Variants in GAREM1 observed in about 807,000 individuals in gnomAD.
GAREM1 encodes the protein GRB2-associated and regulator of MAPK protein 1.
GAREM1 carries 26 observed loss-of-function variants against 71.3 expected under a neutral mutation model. The ratio of observed to expected loss-of-function variants is 0.36; its 90% CI spans 0.27 to 0.51. The LOEUF is 0.51. Ranked by LOEUF, GAREM1 falls within the 20% of genes least tolerant of loss-of-function variation. The pLI is 0.95. For missense variants in GAREM1, 1,026 were observed against 1,103.1 expected, an observed-to-expected ratio of 0.93 and a Z score of 0.99; for synonymous variants, 440 against 433.2, an observed-to-expected ratio of 1.02 and a Z score of -0.20.
chr18:32,449,180 T>C (rs987805314), intron 1 of GAREM1, among the ~76,000 whole-genome samples: 1 of 152,150 alleles, frequency 6.6e-6, no homozygotes, highest in South Asian at 2.1e-4. Flanking sequence ...TGAGATAATG[T>C]ATGTAAAGTG....
At chr18:32,344,791 G>A (rs2047678482) in intron 2 of GAREM1, among the ~76,000 whole-genome samples, 1 of 152,222 alleles carries the variant, frequency 6.6e-6, no homozygotes, top group African/African-American at 2.4e-5. Flanking sequence ...GCCGGGCACG[G>A]TGGCTCACGC....
At chr18:32,447,846 G>A (rs2048799151) in intron 1 of GAREM1, among the ~76,000 whole-genome samples, 1 of 152,128 alleles carries the variant, frequency 6.6e-6, no homozygotes, top group South Asian at 2.1e-4. Context: ...ATGTGCCATG[G>A]ATGAACCAAG....
At chr18:32,403,518 C>T (rs918782776) in intron 1 of GAREM1, among the ~76,000 whole-genome samples, 1 of 152,186 alleles carries the variant, frequency 6.6e-6, no homozygotes, top group Non-Finnish European at 1.5e-5. Flanking sequence ...CCCTTATTTA[C>T]CCAGTTCCTC....
At chr18:32,417,343 T>C (rs537227856) in intron 1 of GAREM1, among the ~76,000 whole-genome samples, 7 of 152,196 alleles carry the variant, frequency 4.6e-5, no homozygotes, top group Admixed American at 6.5e-5. Flanking sequence ...AGAGCTAACA[T>C]ATGATCCAGC....
intron 2 of GAREM1, among the ~76,000 whole-genome samples, chr18:32,367,646 T>C (rs1378733903): frequency 6.6e-6 from 1 of 152,204 alleles, no homozygotes; most frequent in Non-Finnish European, 1.5e-5. Context: ...TTTTATTGAT[T>C]GGGCATTTCC....
intron 1 of GAREM1, among the ~76,000 whole-genome samples, chr18:32,418,871 C>T (rs74501521): frequency 1.4e-4 from 21 of 152,248 alleles, no homozygotes; most frequent in Middle Eastern, 3.4e-3. Context: ...AGAAGGATAA[C>T]GTGTTAGTTT....
In GAREM1 at chr18:32,469,710, A is replaced by G. The variant is rs2049031242; in HGVS notation, c.121+598T>C. 1.3e-5 allele frequency among the ~76,000 whole-genome samples: 2 copies of G among 152,122 alleles called. 1 individual carries two copies. Among genetic ancestry groups the G allele is most frequent in the South Asian group, 4.1e-4 (2 of 4,826 alleles). Reference sequence around the variant, plus strand: ...TCCAGACTGGAAATGCGCTAAACCTAATAGTTAACCTTAAGCATGCCATCA... The same window carrying G: ...TCCAGACTGGAAATGCGCTAAACCTGATAGTTAACCTTAAGCATGCCATCA... On this transcript the variant is annotated intron_variant, in intron 1 of 5. Coordinates refer to ENST00000269209, the MANE Select transcript of GAREM1 (RefSeq NM_001242409.2).
chr18:32,354,359 G>A (rs2047784575), intron 2 of GAREM1, among the ~76,000 whole-genome samples: 1 of 152,112 alleles, frequency 6.6e-6, no homozygotes, highest in Admixed American at 6.6e-5. Flanking sequence ...AAGAGTGTCT[G>A]GCACATAGGT....
chr18:32,444,371 T>C (rs1298090997), intron 1 of GAREM1, among the ~76,000 whole-genome samples: 1 of 152,206 alleles, frequency 6.6e-6, no homozygotes, highest in African/African-American at 2.4e-5. Context: ...CCTGCTCTGC[T>C]TTTGCCCCCA....
chr18:32,455,005 G>A (rs2048873711), intron 1 of GAREM1, among the ~76,000 whole-genome samples: 1 of 152,078 alleles, frequency 6.6e-6, no homozygotes, highest in South Asian at 2.1e-4. Flanking sequence ...ATATAAAAAG[G>A]GAAGGAATAA....
chr18:32,389,588 A>C (rs2048177029), intron 2 of GAREM1, among the ~76,000 whole-genome samples: 1 of 152,170 alleles, frequency 6.6e-6, no homozygotes, highest in Non-Finnish European at 1.5e-5. Context: ...ATTTTAAATT[A>C]CTGTTTATTA....
At chr18:32,449,837 T>A (rs2048818067) in intron 1 of GAREM1, among the ~76,000 whole-genome samples, 1 of 152,346 alleles carries the variant, frequency 6.6e-6, no homozygotes, top group East Asian at 1.9e-4. Flanking sequence ...TTCATTTTCC[T>A]GTTAATACAT....
At chr18:32,454,779 AGT>A (rs1399343745) in intron 1 of GAREM1, among the ~76,000 whole-genome samples, 1 of 152,138 alleles carries the variant, frequency 6.6e-6, no homozygotes, top group Admixed American at 6.5e-5. Context: ...TAAAGAACAG[AGT>A]GTGTGCACCT....
At chr18:32,385,543 T>C (rs764478205) in intron 2 of GAREM1, among the ~76,000 whole-genome samples, 22 of 152,172 alleles carry the variant, frequency 1.4e-4, no homozygotes, top group Admixed American at 7.9e-4. Context: ...TGTATGCAGA[T>C]GACTTGTAAA....
chr18:32,430,378 G>A (rs971908060), intron 1 of GAREM1, among the ~76,000 whole-genome samples: 2 of 152,162 alleles, frequency 1.3e-5, no homozygotes, highest in Non-Finnish European at 2.9e-5. Flanking sequence ...AAAAAGACCT[G>A]TACACAAATA....
chr18:32,285,168 T>G (rs569210276), intron 4 of GAREM1, among the ~76,000 whole-genome samples: 2 of 152,154 alleles, frequency 1.3e-5, no homozygotes, highest in African/African-American at 2.4e-5. Context: ...TGATATTTAG[T>G]GAATACAGGG....
At chr18:32,354,035 G>A (rs2047780637) in intron 2 of GAREM1, among the ~76,000 whole-genome samples, 1 of 152,054 alleles carries the variant, frequency 6.6e-6, no homozygotes, top group Non-Finnish European at 1.5e-5. Context: ...AAAACCAAAG[G>A]AACCACAGAT....
intron 1 of GAREM1, among the ~76,000 whole-genome samples, chr18:32,402,111 A>T (rs2048320985): frequency 6.6e-6 from 1 of 152,212 alleles, no homozygotes; most frequent in African/African-American, 2.4e-5. Flanking sequence ...ATGAATTCAT[A>T]AAGTAAACAA....
intron 1 of GAREM1, among the ~76,000 whole-genome samples, chr18:32,394,584 C>T (rs1490590280): frequency 6.6e-6 from 1 of 152,074 alleles, no homozygotes; most frequent in African/African-American, 2.4e-5. Flanking sequence ...ATTTTTCAAA[C>T]CAGACTATGC....
Sources: gnomAD v4.1 joint callset for allele counts (sites outside exome capture counted in the v4.1 genomes callset) on GRCh38, gnomAD v4.1.1 for gene constraint, MANE v1.5 for transcripts, NCBI Gene and HGNC (gene_info 2026-07-23, HGNC 2026-07-21) for gene names.